ENOX2: variants seen among roughly 807,000 people sequenced by gnomAD.
ENOX2 encodes the protein APK1 antigen.
ENOX2 carries 36 observed loss-of-function variants against 45.0 expected under a neutral mutation model. The ratio of observed to expected loss-of-function variants is 0.80; its 90% confidence interval spans 0.61 to 1.06. The LOEUF (loss-of-function observed/expected upper bound fraction) is 1.06. ENOX2 is among the 50% of genes least tolerant of loss of function. ENOX2 has a pLI of 0.00. For synonymous variants in ENOX2, 174 were observed against 152.3 expected, an observed-to-expected ratio of 1.14 and a Z score of -1.05; for missense variants, 423 against 462.5, an observed-to-expected ratio of 0.91 and a Z score of 0.78.
At chrX:130,654,441 G>GA (rs11370254) in intron 10 of ENOX2, among the ~76,000 whole-genome samples, 7,082 of 94,793 alleles carry the variant, frequency 0.075, 560 homozygotes, top group African/African-American at 0.23. Context: ...TGGACAGAGG[G>GA]AAAAAAAAAA....
intron 4 of ENOX2, among the ~76,000 whole-genome samples, chrX:130,698,274 G>T (rs5975222): frequency 0.051 from 5,655 of 110,701 alleles, 317 homozygotes; most frequent in African/African-American, 0.17. Context: ...CAGAACTCAT[G>T]CATATTCATA....
intron 2 of ENOX2, among the ~76,000 whole-genome samples, chrX:130,809,499 T>C (rs749745323): frequency 4.5e-5 from 5 of 111,982 alleles, no homozygotes; most frequent in Non-Finnish European, 9.4e-5. Flanking sequence ...AAAGCATATG[T>C]CCAAGATCGA....
intron 2 of ENOX2, among the ~76,000 whole-genome samples, chrX:130,848,387 G>C (rs1340780514): frequency 8.9e-6 from 1 of 111,889 alleles, no homozygotes; most frequent in African/African-American, 3.2e-5. Context: ...TGTAAATCTA[G>C]CATGAACTTT....
intron 3 of ENOX2, among the ~76,000 whole-genome samples, chrX:130,736,016 A>G (rs2038851688): frequency 9.0e-6 from 1 of 111,434 alleles, no homozygotes; most frequent in African/African-American, 3.3e-5. Flanking sequence ...CTTTCTTCAC[A>G]TTTTTCTTCT....
intron 2 of ENOX2, among the ~76,000 whole-genome samples, chrX:130,867,696 T>C (rs1392765240): frequency 8.9e-6 from 1 of 112,041 alleles, no homozygotes; most frequent in Non-Finnish European, 1.9e-5. Context: ...AATTTTAACA[T>C]TGGCAAGAAA....
chrX:130,763,998 T>C (rs2039555922), intron 3 of ENOX2, among the ~76,000 whole-genome samples: 1 of 111,232 alleles, frequency 9.0e-6, no homozygotes, highest in Non-Finnish European at 1.9e-5. Context: ...TTATTTTGTC[T>C]GTACCCATTG....
At chrX:130,773,751 C>T (rs2039794054) in intron 3 of ENOX2, among the ~76,000 whole-genome samples, 1 of 112,048 alleles carries the variant, frequency 8.9e-6, no homozygotes, top group African/African-American at 3.2e-5. Flanking sequence ...ACTAAAGATG[C>T]TTTTGCTTAA....
chrX:130,715,923 C>A (rs1158983320), intron 3 of ENOX2, among the ~76,000 whole-genome samples: 2 of 111,515 alleles, frequency 1.8e-5, no homozygotes, highest in Non-Finnish European at 3.8e-5. Context: ...TTAGTAAATG[C>A]TTGTAGAATA....
rs748423344 is a variant in ENOX2, at chrX:130,862,924, C to A, written c.-183+38760G>T. Among the ~76,000 whole-genome samples, 5 of 111,558 alleles carry A rather than the reference C, an allele frequency of 4.5e-5. No homozygotes were observed. The East Asian group carries it at 1.4e-3, about 31-fold the overall frequency. On this transcript the variant is annotated intron_variant, in intron 2 of 14. Coordinates refer to ENST00000394363, the MANE Select transcript of ENOX2 (RefSeq NM_006375.4). ...ACCAATTCCTGAGCTACAGAGAATA[C>A]AAAAGTGGTTTATGTCTGTAAAGCA...
intron 2 of ENOX2, among the ~76,000 whole-genome samples, chrX:130,900,696 G>T (rs369195722): frequency 8.9e-6 from 1 of 111,851 alleles, no homozygotes. Flanking sequence ...TATCCTTCAA[G>T]ACCTATCTCA....
intron 2 of ENOX2, among the ~76,000 whole-genome samples, chrX:130,855,748 G>T (rs1182053484): frequency 9.0e-6 from 1 of 111,579 alleles, no homozygotes; most frequent in Non-Finnish European, 1.9e-5. Flanking sequence ...TTAAACTTTT[G>T]CTCTGTCAGA....
chrX:130,807,685 C>T (rs1205086553), intron 2 of ENOX2, among the ~76,000 whole-genome samples: 1 of 111,585 alleles, frequency 9.0e-6, no homozygotes, highest in African/African-American at 3.3e-5. Flanking sequence ...TATAGCCCTG[C>T]TTGAAAATAT....
At chrX:130,694,750 G>A (rs1227229772) in intron 4 of ENOX2, among the ~76,000 whole-genome samples, 3 of 108,940 alleles carry the variant, frequency 2.8e-5, no homozygotes, top group African/African-American at 6.7e-5. Context: ...TTACAAGCAC[G>A]CGCCAATATG....
intron 3 of ENOX2, among the ~76,000 whole-genome samples, chrX:130,707,001 C>T (rs772993521): frequency 6.2e-5 from 7 of 112,547 alleles, no homozygotes; most frequent in East Asian, 5.6e-4. Flanking sequence ...TCAAGGTCCA[C>T]GGTAACAAAA....
intron 3 of ENOX2, among the ~76,000 whole-genome samples, chrX:130,767,282 G>A (rs1268443551): frequency 9.0e-6 from 1 of 111,623 alleles, no homozygotes; most frequent in Admixed American, 9.5e-5. Flanking sequence ...ACGAGAGCAG[G>A]AACATATATT....
At chrX:130,702,325 A>G (rs1157792248) in intron 4 of ENOX2, among the ~76,000 whole-genome samples, 1 of 111,348 alleles carries the variant, frequency 9.0e-6, no homozygotes, top group Non-Finnish European at 1.9e-5. Flanking sequence ...AGTGGTTCCC[A>G]GGTTATGCAG....
intron 3 of ENOX2, among the ~76,000 whole-genome samples, chrX:130,706,648 T>A (rs1216242678): frequency 8.9e-6 from 1 of 112,010 alleles, no homozygotes; most frequent in Non-Finnish European, 1.9e-5. Context: ...AAAGTAGGTA[T>A]TCAAGAAATA....
chrX:130,666,757 A>G (rs1262398644), intron 8 of ENOX2, among the ~76,000 whole-genome samples: 2 of 112,104 alleles, frequency 1.8e-5, no homozygotes, highest in Non-Finnish European at 3.8e-5. Context: ...ACAATTATGT[A>G]TGAGTCAAGT....
intron 3 of ENOX2, among the ~76,000 whole-genome samples, chrX:130,773,499 T>C (rs973948962): frequency 2.7e-5 from 3 of 112,452 alleles, no homozygotes; most frequent in African/African-American, 9.7e-5. Context: ...AGTTTATACA[T>C]GTAAAGCACT....
Sources: gnomAD v4.1 joint callset for allele counts (sites outside exome capture counted in the v4.1 genomes callset) on GRCh38, gnomAD v4.1.1 for gene constraint, MANE v1.5 for transcripts, NCBI Gene and HGNC (gene_info 2026-07-23, HGNC 2026-07-21) for gene names.